The following ZNF609 variants were observed in gnomAD, a reference collection of about 807,000 sequenced individuals.
ZNF609 encodes the protein zinc finger protein 609.
ZNF609 carries 11 observed loss-of-function variants against 109.5 expected under a neutral mutation model. The observed-to-expected ratio is 0.10, with a 90% confidence interval of 0.06 to 0.17. The LOEUF (loss-of-function observed/expected upper bound fraction) is 0.17. Ranked by LOEUF, ZNF609 falls within the 10% of genes least tolerant of loss-of-function variation. The pLI is 1.00. For missense variants in ZNF609, 1,559 were observed against 1,772.4 expected, an observed-to-expected ratio of 0.88 and a Z score of 2.16; for synonymous variants, 646 against 662.0, an observed-to-expected ratio of 0.98 and a Z score of 0.37.
intron 2 of ZNF609, among the ~76,000 whole-genome samples, chr15:64,576,960 A>ATATACACATAAATATATATATGTATG (rs1567018996): frequency 7.1e-6 from 1 of 140,544 alleles, no homozygotes; most frequent in Non-Finnish European, 1.5e-5. Context: ...ATATATGTAT[A>ATATACACATAAATATATATATGTATG]TATACACATA....
chr15:64,499,714 A>G lies in ZNF609; in HGVS notation c.295A>G (p.Thr99Ala). Residue 99 changes from threonine to alanine, a missense_variant, in exon 2 of 10, where the codon ACT becomes GCT. Transcript: ENST00000326648. ...KSKRSKSGKDTSKPTPGTSLF... is the reference protein window; with the variant it reads ...KSKRSKSGKDASKPTPGTSLF... ...CAAAAGGAGTAAGAGTGGCAAAGAC[A>G]CTAGCAAACCCACTCCAGGGACTTC... The G allele has an allele frequency of 6.2e-7, 1 of 1,614,112 alleles. No individual in the cohort carries two copies. Among genetic ancestry groups the G allele is most frequent in the Non-Finnish European group, 8.5e-7 (1 of 1,180,026 alleles).
chr15:64,656,563 A>G (rs1393140362), intron 3 of ZNF609, among the ~76,000 whole-genome samples: 3 of 152,172 alleles, frequency 2.0e-5, no homozygotes, highest in African/African-American at 4.8e-5. Context: ...ATTTAGGATT[A>G]TAAAATTCTC....
intron 2 of ZNF609, among the ~76,000 whole-genome samples, chr15:64,555,671 C>T (rs1187106550): frequency 1.3e-5 from 2 of 151,350 alleles, no homozygotes; most frequent in African/African-American, 4.9e-5. Context: ...ATCACAAGGT[C>T]AAGTGTTCGA....
At chr15:64,599,253 A>G (rs1430503272) in intron 2 of ZNF609, among the ~76,000 whole-genome samples, 1 of 135,798 alleles carries the variant, frequency 7.4e-6, no homozygotes, top group African/African-American at 2.8e-5. Context: ...ACCTAATTGC[A>G]TTAATCTCTG....
At chr15:64,634,017 T>C (rs1367304070) in intron 3 of ZNF609, among the ~76,000 whole-genome samples, 1 of 152,174 alleles carries the variant, frequency 6.6e-6, no homozygotes, top group African/African-American at 2.4e-5. Context: ...TAGTGGCTTA[T>C]GGTATTGACA....
chr15:64,608,460 C>T (rs1001689008), intron 2 of ZNF609, among the ~76,000 whole-genome samples: 2 of 152,044 alleles, frequency 1.3e-5, no homozygotes, highest in Non-Finnish European at 2.9e-5. Context: ...CCCATTTACT[C>T]GTACTCATTT....
At chr15:64,525,633 G>C (rs1257343514) in intron 2 of ZNF609, among the ~76,000 whole-genome samples, 1 of 152,130 alleles carries the variant, frequency 6.6e-6, no homozygotes, top group African/African-American at 2.4e-5. Context: ...GATGGAGATT[G>C]TATTGAATCT....
Position 64,610,453 on chromosome 15 carries a change from C to G in ZNF609, c.748-12374C>G, listed in dbSNP as rs116677530. On this transcript the variant is annotated intron_variant, in intron 2 of 9. Coordinates refer to ENST00000326648, the MANE Select transcript of ZNF609 (RefSeq NM_015042.2). ...AGTGACAGTTTACCTGTATAACAAACCTGCATATGTACCCCTGAACTTAAA... is the reference window on the plus strand; with the variant it reads ...AGTGACAGTTTACCTGTATAACAAAGCTGCATATGTACCCCTGAACTTAAA... 8.0e-3 allele frequency among the ~76,000 whole-genome samples: 1,218 copies of G among 152,140 alleles called. 23 individuals carry two copies. Among genetic ancestry groups the G allele is most frequent in the African/African-American group, 0.028 (1,159 of 41,476 alleles).
intron 3 of ZNF609, among the ~76,000 whole-genome samples, chr15:64,645,950 C>G (rs1171374271): frequency 6.6e-6 from 1 of 152,144 alleles, no homozygotes; most frequent in Non-Finnish European, 1.5e-5. Context: ...AAAATGAGTA[C>G]AAGCCATTGT....
intron 2 of ZNF609, among the ~76,000 whole-genome samples, chr15:64,503,416 T>C (rs1436368251): frequency 6.6e-6 from 1 of 152,082 alleles, no homozygotes; most frequent in Non-Finnish European, 1.5e-5. Flanking sequence ...GTTTGATTGA[T>C]GGATTGTTAA....
At chr15:64,636,333 A>G (rs1485347217) in intron 3 of ZNF609, among the ~76,000 whole-genome samples, 1 of 152,194 alleles carries the variant, frequency 6.6e-6, no homozygotes, top group Admixed American at 6.5e-5. Flanking sequence ...AACAAGCTAT[A>G]TGACAAAAAG....
At chr15:64,507,673 G>A (rs1893656987) in intron 2 of ZNF609, among the ~76,000 whole-genome samples, 1 of 152,228 alleles carries the variant, frequency 6.6e-6, no homozygotes, top group South Asian at 2.1e-4. Context: ...TTGATTTTCA[G>A]TTCCTGTGGA....
At chr15:64,625,982 A>G (rs1895957088) in intron 3 of ZNF609, among the ~76,000 whole-genome samples, 1 of 144,522 alleles carries the variant, frequency 6.9e-6, no homozygotes, top group Non-Finnish European at 1.5e-5. Context: ...ATATTAAAAT[A>G]TTGCTTGAAC....
intron 2 of ZNF609, among the ~76,000 whole-genome samples, chr15:64,533,693 T>C (rs1393597426): frequency 6.6e-6 from 1 of 152,102 alleles, no homozygotes; most frequent in Non-Finnish European, 1.5e-5. Flanking sequence ...TGTTTCCCAT[T>C]TTTCTTGTTT....
intron 2 of ZNF609, chr15:64,529,112 T>A: frequency 1.2e-6 from 1 of 801,340 alleles, no homozygotes; most frequent in Non-Finnish European, 2.2e-6. Flanking sequence ...GGGCCATTTA[T>A]AGTCTGGGTG....
chr15:64,636,021 G>C (rs1269136522), intron 3 of ZNF609, among the ~76,000 whole-genome samples: 1 of 152,106 alleles, frequency 6.6e-6, no homozygotes, highest in African/African-American at 2.4e-5. Flanking sequence ...AGGGTGGGTA[G>C]GTAGCTGATT....
intron 2 of ZNF609, among the ~76,000 whole-genome samples, chr15:64,578,398 T>C (rs116654815): frequency 4.4e-4 from 67 of 152,142 alleles, no homozygotes; most frequent in African/African-American, 1.5e-3. Context: ...AATTAATTAT[T>C]TAATAAGGTT....
intron 1 of ZNF609, among the ~76,000 whole-genome samples, chr15:64,481,307 T>C (rs528500381): frequency 1.3e-5 from 2 of 150,586 alleles, no homozygotes; most frequent in African/African-American, 4.9e-5. Flanking sequence ...AAGAAAGGCA[T>C]CTTTCTTTTT....
At chr15:64,605,033 G>C (rs1276004627) in intron 2 of ZNF609, among the ~76,000 whole-genome samples, 1 of 151,938 alleles carries the variant, frequency 6.6e-6, no homozygotes, top group South Asian at 2.1e-4. Context: ...GGGTTTCACT[G>C]TGTTAGCCAG....
Sources: gnomAD v4.1 joint callset for allele counts (sites outside exome capture counted in the v4.1 genomes callset) on GRCh38, gnomAD v4.1.1 for gene constraint, MANE v1.5 for transcripts, NCBI Gene and HGNC (gene_info 2026-07-23, HGNC 2026-07-21) for gene names.